C9orf85: variants seen among roughly 807,000 people sequenced by gnomAD.
The protein encoded by C9orf85 is uncharacterized protein C9orf85.
In C9orf85, 16 loss-of-function variants were observed where a neutral mutation model predicts 14.9. That is an observed-to-expected ratio of 1.08 (90% CI 0.73 to 1.63). C9orf85 has a LOEUF of 1.63. C9orf85 is among the 40% of genes most tolerant of loss of function. C9orf85 has a pLI of 0.00. For missense variants in C9orf85, 172 were observed against 186.1 expected (o/e 0.92, Z 0.44); for synonymous variants, 45 against 56.8 (o/e 0.79, Z 0.93).
Position 71,911,843 on chromosome 9 carries a change from ACC to A in C9orf85, c.102+8_102+9del, listed in dbSNP as rs766755340. 1 of 1,612,674 alleles carries A rather than the reference ACC, an allele frequency of 6.2e-7. No homozygotes were observed. The highest frequency in any genetic ancestry group is 8.5e-7 in the Non-Finnish European group (1 of 1,178,704). On this transcript the variant is annotated splice_region_variant and intron_variant, in intron 1 of 3. Coordinates refer to ENST00000334731, the MANE Select transcript of C9orf85 (RefSeq NM_182505.5). ...TAAAAGTGTGCAGACCAAGGTAGGA[ACC>A]TGCCTGTTGCACCGTCTTTGACTCC...
At chr9:71,964,074 G>A (rs1822610955) in intron 2 of C9orf85, among the ~76,000 whole-genome samples, 1 of 152,088 alleles carries the variant, frequency 6.6e-6, no homozygotes, top group Non-Finnish European at 1.5e-5. Context: ...AGCACCCTGT[G>A]TCTAGCTCAG....
intron 1 of C9orf85, among the ~76,000 whole-genome samples, chr9:71,945,130 T>C (rs776770925): frequency 7.9e-5 from 12 of 152,204 alleles, no homozygotes; most frequent in South Asian, 4.1e-4. Flanking sequence ...ATGTTCCAAT[T>C]AGGAAGTTAA....
In C9orf85 at chr9:71,918,466, C is replaced by G. The variant is rs755636153; in HGVS notation, c.102+6630C>G. 3 of 1,302,994 alleles carry G rather than the reference C, an allele frequency of 2.3e-6. No individual in the cohort carries two copies. The South Asian group carries it at 3.7e-5, about 16-fold the overall frequency. The allele number at this position is 1,302,994 out of a possible 1,614,324, so 80.7% of individuals were successfully genotyped here. A position where few individuals can be genotyped will look rare whatever the true frequency, so the allele number is the denominator to read the frequency against. On this transcript the variant is annotated intron_variant, in intron 1 of 3. Transcript: ENST00000334731. ...CTAGTCATGATGTTTGAGTTTGTCTCCCTGTGGAGCAGGGGTCCCCAGCCC... is the reference window on the plus strand; with the variant it reads ...CTAGTCATGATGTTTGAGTTTGTCTGCCTGTGGAGCAGGGGTCCCCAGCCC...
At chr9:71,956,242 GTTT>G (rs60432625) in intron 2 of C9orf85, among the ~76,000 whole-genome samples, 28 of 51,016 alleles carry the variant, frequency 5.5e-4, no homozygotes, top group South Asian at 9.5e-4. Context: ...GAATGCAAAA[GTTT>G]TTTTTTTTTT....
At chr9:71,949,795 A>G (rs1401851861) in intron 2 of C9orf85, among the ~76,000 whole-genome samples, 1 of 152,192 alleles carries the variant, frequency 6.6e-6, no homozygotes, top group Non-Finnish European at 1.5e-5. Flanking sequence ...GTAGTAAACT[A>G]AACAGCAGGG....
intron 1 of C9orf85, among the ~76,000 whole-genome samples, chr9:71,938,065 T>A (rs1828234429): frequency 6.6e-6 from 1 of 152,084 alleles, no homozygotes; most frequent in Non-Finnish European, 1.5e-5. Flanking sequence ...TGTGAAATAA[T>A]AAAATACATA....
intron 1 of C9orf85, among the ~76,000 whole-genome samples, chr9:71,928,703 G>A (rs1199941215): frequency 6.6e-6 from 1 of 152,018 alleles, no homozygotes; most frequent in South Asian, 2.1e-4. Context: ...ATAAATAACA[G>A]TACCACTTAT....
At chr9:71,936,814 A>G (rs1294270428) in intron 1 of C9orf85, among the ~76,000 whole-genome samples, 2 of 138,160 alleles carry the variant, frequency 1.4e-5, no homozygotes, top group African/African-American at 2.8e-5. Flanking sequence ...CTCTGTCACC[A>G]GTGGTATGAT....
At chr9:71,956,347 T>G (rs1822382073) in intron 2 of C9orf85, among the ~76,000 whole-genome samples, 1 of 149,826 alleles carries the variant, frequency 6.7e-6, no homozygotes, top group Non-Finnish European at 1.5e-5. Flanking sequence ...CCTCCCAGGT[T>G]CAACTGATTC....
chr9:71,920,202 A>G (rs548975879), intron 1 of C9orf85, among the ~76,000 whole-genome samples: 8 of 152,280 alleles, frequency 5.3e-5, no homozygotes, highest in African/African-American at 1.9e-4. Context: ...TTTTGTGTGC[A>G]TTAATCATAT....
intron 1 of C9orf85, 100 bp from the exon 2 acceptor site, chr9:71,946,904 TCA>T: frequency 1.5e-6 from 1 of 658,312 alleles, no homozygotes; most frequent in Non-Finnish European, 2.6e-6. Context: ...AGATTAAGGT[TCA>T]GTTATATTTT....
chr9:71,921,957 T>TA lies in C9orf85; in HGVS notation c.102+10121_102+10122insA, dbSNP rs71353542. Reference sequence around the variant, plus strand: ...TTATTATTATTATTATTATTATTATTTTGAAACAGAGTCTTGCTCTGTCGC... The same window carrying TA: ...TTATTATTATTATTATTATTATTATTATTGAAACAGAGTCTTGCTCTGTCGC... On this transcript the variant is annotated intron_variant, in intron 1 of 3. Transcript: ENST00000334731. Among the ~76,000 whole-genome samples the TA allele has an allele frequency of 1.3e-3, 124 of 98,658 alleles. 1 individual carries two copies. The highest frequency in any genetic ancestry group is 4.9e-3 in the African/African-American group (121 of 24,906). The allele number at this position is 98,658 out of a possible 152,430, so 64.7% of individuals were successfully genotyped here.
At chr9:71,943,543 T>G (rs150195004) in intron 1 of C9orf85, among the ~76,000 whole-genome samples, 1 of 150,756 alleles carries the variant, frequency 6.6e-6, no homozygotes, top group Non-Finnish European at 1.5e-5. Context: ...CTTTTTTTTG[T>G]TTTTTGTTTT....
Position 71,911,759 on chromosome 9 carries a change from G to T in C9orf85, c.25G>T (p.Ala9Ser). The T allele has an allele frequency of 6.2e-7, 1 of 1,614,186 alleles. No homozygotes were observed. Among genetic ancestry groups the T allele is most frequent in the South Asian group, 1.1e-5 (1 of 91,090 alleles). The change falls in exon 1 of 4, where the codon GCT (alanine) becomes TCT (serine). Residue 9 changes from alanine (A) to serine (S), a missense_variant. Transcript: ENST00000334731. ...GATGAGCTCCCAGAAAGGCAACGTG[G>T]CTCGTTCCAGACCTCAGAAGCACCA... is the stretch of plus-strand genomic sequence containing the variant. MSSQKGNV[A>S]RSRPQKHQNT... is the part of the protein sequence containing the mutation.
chr9:71,916,452 T>C lies in C9orf85; in HGVS notation c.102+4616T>C, dbSNP rs183934448. 1.4e-4 allele frequency among the ~76,000 whole-genome samples: 22 copies of C among 152,204 alleles called. 1 individual carries two copies. In the East Asian group the frequency reaches 2.5e-3, roughly 17 times the overall value. ...TTTTAGAGGTGGGTCGTAGTATACA[T>C]TGGAATAAATCAATGTTTTGCAGTT... On this transcript the variant is annotated intron_variant, in intron 1 of 3. Transcript: ENST00000334731.
At chr9:71,972,487 G>T (rs1329051361) in intron 3 of C9orf85, among the ~76,000 whole-genome samples, 2 of 152,178 alleles carry the variant, frequency 1.3e-5, no homozygotes, top group African/African-American at 4.8e-5. Context: ...TCGAACCCCT[G>T]GCCTCAGGTG....
intron 2 of C9orf85, among the ~76,000 whole-genome samples, chr9:71,965,572 T>G (rs1267506194): frequency 6.6e-6 from 1 of 152,126 alleles, no homozygotes; most frequent in Non-Finnish European, 1.5e-5. Flanking sequence ...TACACTCTGG[T>G]AGGTGGTGTG....
At chr9:71,973,872 T>TTTA (rs397743972), downstream of C9orf85, among the ~76,000 whole-genome samples, 3 of 150,378 alleles carry the variant, frequency 2.0e-5, no homozygotes, top group Non-Finnish European at 4.4e-5. Flanking sequence ...TTTTTTTTTT[T>TTTA]AACTCTTCTT....
intron 2 of C9orf85, among the ~76,000 whole-genome samples, chr9:71,964,619 C>T (rs969849541): frequency 2.0e-5 from 3 of 152,128 alleles, no homozygotes; most frequent in Non-Finnish European, 4.4e-5. Context: ...CACATCTGAA[C>T]ATCAGAAGGA....
Sources: gnomAD v4.1 joint callset for allele counts (sites outside exome capture counted in the v4.1 genomes callset) on GRCh38, gnomAD v4.1.1 for gene constraint, MANE v1.5 for transcripts, NCBI Gene and HGNC (gene_info 2026-07-23, HGNC 2026-07-21) for gene names.